Variants in TFEC observed in about 807,000 individuals in gnomAD.
The protein encoded by TFEC is transcription factor EC.
TFEC carries 31 observed loss-of-function variants against 41.6 expected under a neutral mutation model. That is an observed-to-expected ratio of 0.74 (90% confidence interval 0.56 to 1.01). The LOEUF (loss-of-function observed/expected upper bound fraction) is 1.01. Among genes scored for constraint, TFEC ranks in the 50% least tolerant of loss-of-function variants. The pLI, the probability that TFEC is intolerant of heterozygous loss-of-function variation, is 0.00. For missense variants in TFEC, 402 were observed against 404.1 expected, an observed-to-expected ratio of 0.99 and a Z score of 0.04; for synonymous variants, 143 against 140.6, an observed-to-expected ratio of 1.02 and a Z score of -0.12.
chr7:116,127,764 A>G (rs1250832636), intron 1 of TFEC, among the ~76,000 whole-genome samples: 1 of 151,532 alleles, frequency 6.6e-6, no homozygotes, highest in Non-Finnish European at 1.5e-5. Context: ...CATAAATTTG[A>G]GCCTGTTTCC....
chr7:116,097,398 A>C (rs1481522509), intron 3 of TFEC, among the ~76,000 whole-genome samples: 1 of 152,118 alleles, frequency 6.6e-6, no homozygotes, highest in Non-Finnish European at 1.5e-5. Context: ...TCAGATATTA[A>C]CAACAACATA....
At chr7:116,096,451 A>T (rs138669152) in intron 3 of TFEC, among the ~76,000 whole-genome samples, 1 of 152,348 alleles carries the variant, frequency 6.6e-6, no homozygotes, top group African/African-American at 2.4e-5. Context: ...AGGTTGGAGC[A>T]GGTGGATCCT....
At chr7:116,027,856 G>A (rs964056489) in intron 1 of TFEC, among the ~76,000 whole-genome samples, 12 of 152,084 alleles carry the variant, frequency 7.9e-5, no homozygotes, top group African/African-American at 2.7e-4. Flanking sequence ...CCACCTCTAC[G>A]TCCTAGACTC....
At chr7:116,069,556 T>C (rs1796776735) in intron 3 of TFEC, among the ~76,000 whole-genome samples, 1 of 151,720 alleles carries the variant, frequency 6.6e-6, no homozygotes, top group Admixed American at 6.6e-5. Context: ...TAGTGATGTG[T>C]CATGATTATA....
At chr7:115,988,121 C>A (rs1031294989) in intron 1 of TFEC, among the ~76,000 whole-genome samples, 8 of 152,082 alleles carry the variant, frequency 5.3e-5, no homozygotes, top group Admixed American at 2.6e-4. Context: ...ACATTACTAA[C>A]AGCTTATTTA....
At chr7:116,012,033 T>C (rs1437093121) in intron 1 of TFEC, among the ~76,000 whole-genome samples, 1 of 152,168 alleles carries the variant, frequency 6.6e-6, no homozygotes, top group Non-Finnish European at 1.5e-5. Flanking sequence ...CCTTAGGTAT[T>C]CCTTTATAGA....
intron 2 of TFEC, among the ~76,000 whole-genome samples, chr7:115,980,418 T>C (rs1793573848): frequency 6.6e-6 from 1 of 152,194 alleles, no homozygotes. Context: ...TACCTACTTC[T>C]GGCCTACTTT....
intron 3 of TFEC, among the ~76,000 whole-genome samples, chr7:116,090,380 C>A (rs55984738): frequency 8.6e-5 from 13 of 151,972 alleles, no homozygotes; most frequent in Non-Finnish European, 1.6e-4. Flanking sequence ...CTCCTATGCT[C>A]GGCCTGCTCC....
chr7:115,986,579 G>A (rs1169006275), intron 1 of TFEC, among the ~76,000 whole-genome samples: 2 of 152,076 alleles, frequency 1.3e-5, no homozygotes, highest in African/African-American at 4.8e-5. Flanking sequence ...GCTGTTGGAA[G>A]GAGAGATAGT....
At chr7:116,017,761 G>C (rs1372153007) in intron 1 of TFEC, among the ~76,000 whole-genome samples, 2 of 152,132 alleles carry the variant, frequency 1.3e-5, no homozygotes, top group Non-Finnish European at 2.9e-5. Context: ...TTCTACAAAA[G>C]CATGGCTTCT....
intron 1 of TFEC, among the ~76,000 whole-genome samples, chr7:116,113,255 A>G (rs1243468849): frequency 6.6e-6 from 1 of 152,002 alleles, no homozygotes; most frequent in Non-Finnish European, 1.5e-5. Context: ...GGTACACATT[A>G]AGATGAAGTT....
intron 5 of TFEC, among the ~76,000 whole-genome samples, chr7:115,953,687 T>C (rs1370530779): frequency 1.3e-5 from 2 of 152,000 alleles, no homozygotes; most frequent in Non-Finnish European, 2.9e-5. Flanking sequence ...ACTAAAGCCT[T>C]TGAGAATAAA....
intron 3 of TFEC, among the ~76,000 whole-genome samples, chr7:115,969,267 G>T (rs1238857741): frequency 2.0e-5 from 3 of 151,800 alleles, no homozygotes; most frequent in African/African-American, 7.3e-5. Flanking sequence ...TCTTCAAGGG[G>T]TTTGCATTCT....
chr7:115,960,726 T>C (rs1436292081), intron 3 of TFEC, among the ~76,000 whole-genome samples: 2 of 151,472 alleles, frequency 1.3e-5, no homozygotes, highest in Non-Finnish European at 3.0e-5. Context: ...AGGTAAAGGA[T>C]TGACAGATAA....
chr7:116,123,872 C>T (rs1473372040), intron 1 of TFEC, among the ~76,000 whole-genome samples: 4 of 152,006 alleles, frequency 2.6e-5, no homozygotes, highest in East Asian at 1.9e-4. Context: ...AAGGAAGTTC[C>T]ATGGTTTAAA....
At chr7:116,140,307 C>T (rs1204039981) in intron 1 of TFEC, among the ~76,000 whole-genome samples, 1 of 152,212 alleles carries the variant, frequency 6.6e-6, no homozygotes, top group Admixed American at 6.5e-5. Flanking sequence ...TTAGATTCCA[C>T]AGTTTAACAT....
At chr7:115,973,108 C>G (rs958742673) in intron 3 of TFEC, among the ~76,000 whole-genome samples, 1 of 151,662 alleles carries the variant, frequency 6.6e-6, no homozygotes. Flanking sequence ...AAAAAAAATC[C>G]TGCAACAAAA....
chr7:116,058,560 G>C (rs1251610993), intron 3 of TFEC, among the ~76,000 whole-genome samples: 1 of 151,588 alleles, frequency 6.6e-6, no homozygotes, highest in African/African-American at 2.4e-5. Flanking sequence ...TGCTTTTATA[G>C]AGCACTTCAC....
At chr7:116,136,432 T>C (rs1265549742) in intron 1 of TFEC, among the ~76,000 whole-genome samples, 1 of 152,020 alleles carries the variant, frequency 6.6e-6, no homozygotes, top group Non-Finnish European at 1.5e-5. Flanking sequence ...ATTTCAGGTC[T>C]AGTTAAGGAG....
Sources: allele counts gnomAD v4.1 joint callset (sites outside exome capture counted in the v4.1 genomes callset), GRCh38; gene constraint gnomAD v4.1.1; transcripts MANE v1.5; gene names NCBI Gene and HGNC (gene_info 2026-07-23, HGNC 2026-07-21).